Variants in ASCC3 observed in about 807,000 individuals in gnomAD.
ASCC3 encodes ASC-1 complex subunit P200.
A neutral mutation model predicts 256.3 loss-of-function variants in ASCC3; 158 were observed. The observed-to-expected ratio is 0.62, with a 90% CI of 0.54 to 0.70. The LOEUF (loss-of-function observed/expected upper bound fraction) is 0.70, where lower values mean the gene tolerates loss of function less well. Among genes scored for constraint, ASCC3 ranks in the 30% least tolerant of loss-of-function variants. ASCC3 has a pLI of 0.00. For missense variants in ASCC3, 2,259 were observed against 2,626.0 expected (o/e 0.86, Z 3.05); for synonymous variants, 948 against 883.4 (o/e 1.07, Z -1.30).
At chr6:100,827,747 TTA>T (rs1255319422) in intron 4 of ASCC3, among the ~76,000 whole-genome samples, 4 of 152,180 alleles carry the variant, frequency 2.6e-5, no homozygotes, top group Non-Finnish European at 4.4e-5. Flanking sequence ...TTTTTCCTTT[TTA>T]TGTTTTCCAA....
At chr6:100,543,448 T>C (rs1452691269) in intron 36 of ASCC3, among the ~76,000 whole-genome samples, 1 of 152,122 alleles carries the variant, frequency 6.6e-6, no homozygotes, top group African/African-American at 2.4e-5. Context: ...AATACATGTA[T>C]ATATGTGTAG....
Position 100,646,611 on chromosome 6 carries a change from C to A in ASCC3, c.3633+4G>T. 1 of 1,614,056 alleles carries A rather than the reference C, an allele frequency of 6.2e-7. No homozygotes were observed. The highest frequency in any genetic ancestry group is 8.5e-7 in the Non-Finnish European group (1 of 1,179,960). ...ACACAGATATAGCCGTTTTCCACTT[C>A]TACCTGATCATTCCAAGTGAAATCA... On this transcript the variant is annotated splice_donor_region_variant and intron_variant, in intron 22 of 41. Transcript: ENST00000369162.
At chr6:100,797,331 T>C (rs1769670173) in intron 8 of ASCC3, among the ~76,000 whole-genome samples, 2 of 151,682 alleles carry the variant, frequency 1.3e-5, no homozygotes, top group Admixed American at 1.3e-4. Context: ...ATGCCTGTAA[T>C]CCCAGCTACT....
intron 36 of ASCC3, among the ~76,000 whole-genome samples, chr6:100,566,699 T>A (rs796158571): frequency 3.9e-5 from 6 of 152,292 alleles, no homozygotes; most frequent in African/African-American, 1.2e-4. Flanking sequence ...ACATTGCTTC[T>A]TCCTGTATTA....
At chr6:100,545,619 C>G (rs1226493633) in intron 36 of ASCC3, among the ~76,000 whole-genome samples, 1 of 151,580 alleles carries the variant, frequency 6.6e-6, no homozygotes, top group Non-Finnish European at 1.5e-5. Context: ...GAGATAGGGC[C>G]TCACTCTTGT....
At chr6:100,682,150 C>T (rs1156893152) in intron 13 of ASCC3, among the ~76,000 whole-genome samples, 1 of 151,750 alleles carries the variant, frequency 6.6e-6, no homozygotes, top group Non-Finnish European at 1.5e-5. Context: ...TTTTACCACC[C>T]AGAAAACCTC....
intron 14 of ASCC3, among the ~76,000 whole-genome samples, chr6:100,663,930 G>C (rs1161820614): frequency 6.6e-6 from 1 of 152,048 alleles, no homozygotes; most frequent in East Asian, 1.9e-4. Context: ...CCATGGATAA[G>C]GGGGGACTAC....
chr6:100,572,710 T>C (rs1434216147), intron 36 of ASCC3, among the ~76,000 whole-genome samples: 1 of 152,252 alleles, frequency 6.6e-6, no homozygotes, highest in Admixed American at 6.5e-5. Context: ...TTTACAAAAA[T>C]TTTTGTCCTA....
intron 36 of ASCC3, among the ~76,000 whole-genome samples, chr6:100,584,019 T>G (rs2114756456): frequency 6.6e-6 from 1 of 152,240 alleles, no homozygotes; most frequent in African/African-American, 2.4e-5. Context: ...ATGTGGTCAA[T>G]TTTGGAATAG....
At position 100,509,262 on chromosome 6, in the gene ASCC3, T is replaced by G; in HGVS notation, c.*124A>C. On this transcript the variant is annotated 3_prime_UTR_variant, in exon 42 of 42. Coordinates refer to ENST00000369162, the MANE Select transcript of ASCC3 (RefSeq NM_006828.4). ...AGTCAATACTGCAGCCACTGTCAAT[T>G]TCCTGGATGGTTGAGGTTAGAAGTT... 1 of 1,343,736 alleles carries G rather than the reference T, an allele frequency of 7.4e-7. No homozygotes were observed. Among genetic ancestry groups the G allele is most frequent in the Non-Finnish European group, 1.1e-6 (1 of 942,606 alleles). The allele number at this position is 1,343,736 out of a possible 1,614,324, so 83.2% of individuals were successfully genotyped here.
chr6:100,745,566 C>T (rs1363784420), intron 10 of ASCC3, among the ~76,000 whole-genome samples: 2 of 151,756 alleles, frequency 1.3e-5, no homozygotes, highest in Non-Finnish European at 2.9e-5. Flanking sequence ...ACTCCCTCTG[C>T]TCCTGTTCTG....
At chr6:100,646,163 C>T (rs927530779) in intron 22 of ASCC3, among the ~76,000 whole-genome samples, 3 of 152,066 alleles carry the variant, frequency 2.0e-5, no homozygotes, top group African/African-American at 7.2e-5. Flanking sequence ...AGCAAAATCT[C>T]TATGGAGTTA....
Position 100,582,057 on chromosome 6 carries a change from T to C in ASCC3, c.5550+7577A>G, listed in dbSNP as rs996836248. Reference sequence around the variant, plus strand: ...TTTGTTCTTTTGGCTTAGGATTGACTTGGTGATGCGGGCTCTTTTTTGGTT... The same window carrying C: ...TTTGTTCTTTTGGCTTAGGATTGACCTGGTGATGCGGGCTCTTTTTTGGTT... On this transcript the variant is annotated intron_variant, in intron 36 of 41. Transcript: ENST00000369162. Among the ~76,000 whole-genome samples the C allele has an allele frequency of 2.0e-5, 3 of 152,012 alleles. 1 individual carries two copies. The highest frequency in any genetic ancestry group is 4.4e-5 in the Non-Finnish European group (3 of 67,992).
At chr6:100,676,104 G>T (rs182316514) in intron 14 of ASCC3, among the ~76,000 whole-genome samples, 2 of 152,024 alleles carry the variant, frequency 1.3e-5, no homozygotes, top group African/African-American at 4.8e-5. Flanking sequence ...TTGAGGGGGA[G>T]AGTATACAAG....
intron 4 of ASCC3, among the ~76,000 whole-genome samples, chr6:100,830,393 C>T (rs1385709490): frequency 2.0e-5 from 3 of 151,960 alleles, no homozygotes; most frequent in Admixed American, 2.0e-4. Context: ...TACCTAAAAC[C>T]CACTACATAG....
intron 30 of ASCC3, among the ~76,000 whole-genome samples, chr6:100,616,110 A>G (rs1773653229): frequency 6.6e-6 from 1 of 152,222 alleles, no homozygotes; most frequent in Non-Finnish European, 1.5e-5. Context: ...GAAGAGGCCA[A>G]TATCTATTTA....
intron 4 of ASCC3, among the ~76,000 whole-genome samples, chr6:100,846,646 G>A (rs997069765): frequency 9.9e-5 from 15 of 152,154 alleles, no homozygotes; most frequent in Non-Finnish European, 2.9e-5. Flanking sequence ...GCTGTACAGA[G>A]CTACAGCTCT....
intron 3 of ASCC3, chr6:100,856,443 ACTT>A (rs111746174): frequency 6.0e-5 from 58 of 961,652 alleles, no homozygotes; most frequent in African/African-American, 1.6e-4. Flanking sequence ...AATCTGAAAT[ACTT>A]CTTATTTAAT....
intron 36 of ASCC3, among the ~76,000 whole-genome samples, chr6:100,548,451 A>C (rs1418863279): frequency 6.6e-6 from 1 of 151,972 alleles, no homozygotes; most frequent in African/African-American, 2.4e-5. Flanking sequence ...AATTTAGACT[A>C]TATTAATAGG....
Sources: allele counts gnomAD v4.1 joint callset (sites outside exome capture counted in the v4.1 genomes callset), GRCh38; gene constraint gnomAD v4.1.1; transcripts MANE v1.5; gene names NCBI Gene and HGNC (gene_info 2026-07-23, HGNC 2026-07-21).